The following SYNE3 variants were observed in gnomAD, a reference collection of about 807,000 sequenced individuals.
SYNE3 encodes spectrin repeat containing nuclear envelope family member 3, also known as nesprin-3.
Under a neutral mutation model 111.2 loss-of-function variants are expected in SYNE3, and 100 were observed. That is an observed-to-expected ratio of 0.90 (90% CI 0.77 to 1.06). SYNE3 has a LOEUF of 1.06. SYNE3 is among the 50% of genes least tolerant of loss of function. The pLI, the probability that SYNE3 is intolerant of heterozygous loss-of-function variation, is 0.00. For missense variants in SYNE3, 1,160 were observed against 1,240.3 expected (o/e 0.94, Z 0.97); for synonymous variants, 547 against 533.9 (o/e 1.02, Z -0.34).
chr14:95,471,551 G>A (rs1332338667), intron 2 of SYNE3, among the ~76,000 whole-genome samples: 1 of 152,226 alleles, frequency 6.6e-6, no homozygotes, highest in Non-Finnish European at 1.5e-5. Context: ...TGCCCTGAAA[G>A]ATCAACCTGT....
intron 6 of SYNE3, among the ~76,000 whole-genome samples, chr14:95,455,055 C>A (rs1241022831): frequency 6.6e-6 from 1 of 152,198 alleles, no homozygotes; most frequent in Non-Finnish European, 1.5e-5. Flanking sequence ...TATCCCACCA[C>A]TGGGCAGGAG....
intron 8 of SYNE3, among the ~76,000 whole-genome samples, chr14:95,448,264 CAT>C (rs1450149258): frequency 1.3e-5 from 2 of 151,706 alleles, no homozygotes; most frequent in African/African-American, 2.4e-5. Flanking sequence ...TTTTGTGACA[CAT>C]ATGAAATTCA....
intron 1 of SYNE3, among the ~76,000 whole-genome samples, chr14:95,484,592 G>T (rs985513165): frequency 6.6e-6 from 1 of 152,230 alleles, no homozygotes; most frequent in Non-Finnish European, 1.5e-5. Flanking sequence ...TGGGCCACTG[G>T]TGTGTGGACA....
intron 4 of SYNE3, among the ~76,000 whole-genome samples, chr14:95,464,610 C>T (rs376577428): frequency 5.9e-5 from 9 of 152,318 alleles, no homozygotes; most frequent in East Asian, 5.8e-4. Flanking sequence ...TTAGAATATC[C>T]GCCTGATCTG....
At chr14:95,438,767 A>G (rs1302028767) in intron 14 of SYNE3, 4 of 359,888 alleles carry the variant, frequency 1.1e-5, no homozygotes, top group Non-Finnish European at 5.2e-6. Flanking sequence ...TGGCTCACAG[A>G]GGTGAGTATC....
intron 4 of SYNE3, 152 bp downstream of exon 4, chr14:95,465,779 G>A: frequency 5.9e-6 from 5 of 847,474 alleles, no homozygotes; most frequent in Middle Eastern, 3.7e-4. Context: ...TGGTTGGATA[G>A]TGAACAGGTG....
At chr14:95,476,122 C>A (rs1013434174) in intron 1 of SYNE3, among the ~76,000 whole-genome samples, 1 of 152,218 alleles carries the variant, frequency 6.6e-6, no homozygotes. Context: ...GCTTGAGGCC[C>A]GGAGGCAATT....
intron 1 of SYNE3, among the ~76,000 whole-genome samples, chr14:95,478,463 T>C (rs1482454022): frequency 6.6e-6 from 1 of 152,154 alleles, no homozygotes; most frequent in African/African-American, 2.4e-5. Context: ...GCCCTGGGAC[T>C]ACCAGACTGC....
chr14:95,494,621 A>G (rs1890004016), intron 1 of SYNE3, among the ~76,000 whole-genome samples: 1 of 152,270 alleles, frequency 6.6e-6, no homozygotes, highest in East Asian at 1.9e-4. Flanking sequence ...AGGGTTTGTG[A>G]GCAAGAGAGT....
chr14:95,419,730 T>G, intron 17 of SYNE3, among the ~76,000 whole-genome samples: 4 of 139,684 alleles, frequency 2.9e-5, no homozygotes, highest in Admixed American at 7.2e-5. Flanking sequence ...GGTGGGGTGG[T>G]GAGAGTAAGG....
At position 95,443,511 on chromosome 14, in the gene SYNE3, A is replaced by T. The variant is rs1886525960; in HGVS notation, c.1777-222T>A. On this transcript the variant is annotated intron_variant, in intron 10 of 17. Transcript: ENST00000682763. ...AAAAATCAGACAAAAATATTCTGGGACACCATGAAAATAAACTCTGCTACA... is the reference window on the plus strand; with the variant it reads ...AAAAATCAGACAAAAATATTCTGGGTCACCATGAAAATAAACTCTGCTACA... 6.2e-6 allele frequency: 3 copies of T among 481,252 alleles called. No individual in the cohort carries two copies. The East Asian group carries it at 9.9e-5, about 16-fold the overall frequency. 29.8% of individuals were successfully genotyped at this position (481,252 alleles called of 1,614,324 possible).
At position 95,501,077 on chromosome 14, in the gene SYNE3, A is replaced by G. The variant is rs73343148; in HGVS notation, c.-15+15519T>C. ...TGACTACGCTACGACCCAGGGGACA[A>G]TGCATGCCTTCTGCCTCCATAGAAT... On this transcript the variant is annotated intron_variant, in intron 1 of 17. Transcript: ENST00000682763. 7.6e-3 allele frequency among the ~76,000 whole-genome samples: 1,153 copies of G among 152,360 alleles called. 19 individuals carry two copies. Among genetic ancestry groups the G allele is most frequent in the African/African-American group, 0.026 (1,087 of 41,576 alleles).
Position 95,408,202 on chromosome 14 carries a change from A to T in SYNE3, c.*9624T>A, listed in dbSNP as rs992387119. On this transcript the variant is annotated 3_prime_UTR_variant, in exon 18 of 18. Coordinates refer to ENST00000682763, the MANE Select transcript of SYNE3 (RefSeq NM_152592.6). ...GACGGATGACAAATGAAACGAAAAAATCCATCTGGGTGGGGGGCTTTGGAA... is the reference window on the plus strand; with the variant it reads ...GACGGATGACAAATGAAACGAAAAATTCCATCTGGGTGGGGGGCTTTGGAA... 2 of 151,988 alleles carry T rather than the reference A, an allele frequency of 1.3e-5. No individual in the cohort carries two copies. The highest frequency in any genetic ancestry group is 4.8e-5 in the African/African-American group (2 of 41,376). The allele number at this position is 151,988 out of a possible 1,614,324, so 9.4% of individuals were successfully genotyped here. A position where few individuals can be genotyped will look rare whatever the true frequency, so the allele number is the denominator to read the frequency against.
intron 15 of SYNE3, among the ~76,000 whole-genome samples, chr14:95,436,383 T>C (rs1886086548): frequency 6.6e-6 from 1 of 152,194 alleles, no homozygotes; most frequent in African/African-American, 2.4e-5. Context: ...TTCTCATCTC[T>C]AATAGCCCAC....
chr14:95,445,253 C>T lies in SYNE3; in HGVS notation c.1633-625G>A, dbSNP rs180803763. Among the ~76,000 whole-genome samples, 95 of 152,286 alleles carry T rather than the reference C, an allele frequency of 6.2e-4. 1 individual carries two copies. Among genetic ancestry groups the T allele is most frequent in the African/African-American group, 2.1e-3 (89 of 41,566 alleles). On this transcript the variant is annotated intron_variant, in intron 9 of 17. Coordinates refer to ENST00000682763, the MANE Select transcript of SYNE3 (RefSeq NM_152592.6). ...CATGGGCTGGGTCCTGGCTGTACCCCATATGGACCATGAGCCACCTTCTTG... is the reference window on the plus strand; with the variant it reads ...CATGGGCTGGGTCCTGGCTGTACCCTATATGGACCATGAGCCACCTTCTTG...
rs941230676 is a variant in SYNE3, at chr14:95,416,504, T to A, written c.*1322A>T. ...CCAGTTGTAGAGCACTTAGGAACCA[T>A]CCCAGAGTTCCCTGGCAAGGAAGGG... On this transcript the variant is annotated 3_prime_UTR_variant, in exon 18 of 18. Coordinates refer to ENST00000682763, the MANE Select transcript of SYNE3 (RefSeq NM_152592.6). The A allele has an allele frequency of 2.6e-5, 4 of 152,210 alleles. No homozygotes were observed. The highest frequency in any genetic ancestry group is 9.6e-5 in the African/African-American group (4 of 41,458). The allele number at this position is 152,210 out of a possible 1,614,324, so 9.4% of individuals were successfully genotyped here. A position where few individuals can be genotyped will look rare whatever the true frequency, so the allele number is the denominator to read the frequency against.
At chr14:95,463,081 G>A (rs974355331) in intron 4 of SYNE3, among the ~76,000 whole-genome samples, 3 of 152,118 alleles carry the variant, frequency 2.0e-5, no homozygotes, top group Non-Finnish European at 4.4e-5. Context: ...ACTTGAACCC[G>A]GGAGGCAGAG....
chr14:95,428,957 C>T (rs943473412), intron 17 of SYNE3, among the ~76,000 whole-genome samples: 29 of 152,280 alleles, frequency 1.9e-4, no homozygotes, highest in Admixed American at 1.3e-4. Flanking sequence ...TCCCCCTTTC[C>T]CCTTAGACCA....
At chr14:95,498,006 T>G (rs1890167774) in intron 1 of SYNE3, among the ~76,000 whole-genome samples, 1 of 145,464 alleles carries the variant, frequency 6.9e-6, no homozygotes, top group Non-Finnish European at 1.5e-5. Flanking sequence ...CCAGCCTGGG[T>G]GACAGGACAA....
Sources: allele counts gnomAD v4.1 joint callset (sites outside exome capture counted in the v4.1 genomes callset), GRCh38; gene constraint gnomAD v4.1.1; transcripts MANE v1.5; gene names NCBI Gene and HGNC (gene_info 2026-07-23, HGNC 2026-07-21).